HPSE2: variants seen among roughly 807,000 people sequenced by gnomAD.
HPSE2 encodes the protein heparanase 2 (inactive), also known as inactive heparanase-2.
Under a neutral mutation model 60.5 loss-of-function variants are expected in HPSE2, and 38 were observed. That is an observed-to-expected ratio of 0.63 (90% CI 0.48 to 0.82). The LOEUF is 0.82. Among genes scored for constraint, HPSE2 ranks in the 40% least tolerant of loss-of-function variants. The pLI is 0.00. For synonymous variants in HPSE2, 295 were observed against 293.2 expected, an observed-to-expected ratio of 1.01 and a Z score of -0.06; for missense variants, 713 against 740.4, an observed-to-expected ratio of 0.96 and a Z score of 0.43.
intron 3 of HPSE2, among the ~76,000 whole-genome samples, chr10:98,967,960 CACTT>C (rs1262870038): frequency 3.3e-5 from 5 of 152,140 alleles, no homozygotes; most frequent in African/African-American, 9.7e-5. Flanking sequence ...ACATATGACT[CACTT>C]ACTCCTGGCT....
At chr10:99,119,114 A>AGGGAGGGAGGGC (rs1844843286) in intron 3 of HPSE2, among the ~76,000 whole-genome samples, 1 of 90,840 alleles carries the variant, frequency 1.1e-5, no homozygotes, top group Non-Finnish European at 2.3e-5. Context: ...GGAGGGAGGG[A>AGGGAGGGAGGGC]GGGAGGGAAG....
At chr10:98,530,987 C>A (rs1459586735) in intron 9 of HPSE2, among the ~76,000 whole-genome samples, 2 of 152,128 alleles carry the variant, frequency 1.3e-5, no homozygotes, top group Non-Finnish European at 2.9e-5. Flanking sequence ...GCCTGCCTGG[C>A]CATTTTCTTC....
At chr10:98,955,234 C>A (rs746798102) in intron 3 of HPSE2, among the ~76,000 whole-genome samples, 5 of 152,032 alleles carry the variant, frequency 3.3e-5, no homozygotes, top group African/African-American at 4.8e-5. Flanking sequence ...TATCTAGAAT[C>A]TACAAGAAAC....
intron 4 of HPSE2, among the ~76,000 whole-genome samples, chr10:98,731,839 A>G (rs182802902): frequency 6.6e-6 from 1 of 152,302 alleles, no homozygotes; most frequent in Admixed American, 6.5e-5. Flanking sequence ...CAAAACTGTT[A>G]TTATTCTCAG....
intron 3 of HPSE2, among the ~76,000 whole-genome samples, chr10:98,923,340 G>A (rs977594102): frequency 2.0e-5 from 3 of 152,068 alleles, no homozygotes; most frequent in African/African-American, 7.2e-5. Context: ...CTTGGCCACT[G>A]GGAGTTTGAT....
intron 3 of HPSE2, among the ~76,000 whole-genome samples, chr10:98,937,677 G>C (rs1450820724): frequency 7.0e-6 from 1 of 142,428 alleles, no homozygotes; most frequent in Non-Finnish European, 1.5e-5. Flanking sequence ...CAAACAAAAA[G>C]ACAGCAGTAA....
chr10:99,075,764 T>C (rs1842933710), intron 3 of HPSE2, among the ~76,000 whole-genome samples: 1 of 152,196 alleles, frequency 6.6e-6, no homozygotes, highest in South Asian at 2.1e-4. Context: ...TTTACTCTTT[T>C]ATTATTATAT....
intron 3 of HPSE2, among the ~76,000 whole-genome samples, chr10:99,125,540 A>C (rs920866954): frequency 1.3e-5 from 2 of 152,228 alleles, no homozygotes; most frequent in Non-Finnish European, 2.9e-5. Flanking sequence ...TGCTCCAAGA[A>C]CCACCATGGG....
chr10:98,708,803 T>C (rs1244916404), intron 5 of HPSE2, among the ~76,000 whole-genome samples: 2 of 152,208 alleles, frequency 1.3e-5, no homozygotes, highest in Non-Finnish European at 2.9e-5. Context: ...TCATCTAAAA[T>C]AGGACAACTA....
rs184536125 is a variant in HPSE2, at chr10:99,011,275, T to C, written c.610+132963A>G. Among the ~76,000 whole-genome samples, 23 of 152,288 alleles carry C rather than the reference T, an allele frequency of 1.5e-4. No individual in the cohort carries two copies. The East Asian group carries it at 4.1e-3, about 27-fold the overall frequency. On this transcript the variant is annotated intron_variant, in intron 3 of 11. Coordinates refer to ENST00000370552, the MANE Select transcript of HPSE2 (RefSeq NM_021828.5). ...ATGTTAAATACTGATCTCCTATGCC[T>C]GATCTAGATTTAGATATTGAGTATT...
At chr10:99,117,571 G>C (rs779386949) in intron 3 of HPSE2, among the ~76,000 whole-genome samples, 3 of 151,410 alleles carry the variant, frequency 2.0e-5, no homozygotes, top group Non-Finnish European at 2.9e-5. Flanking sequence ...ATAATCATAA[G>C]CAATTATTAT....
intron 9 of HPSE2, among the ~76,000 whole-genome samples, chr10:98,523,109 TTTTG>T (rs148284297): frequency 0.31 from 47,549 of 151,596 alleles, 7,559 homozygotes; most frequent in East Asian, 0.41. Context: ...TTTTGTTTTG[TTTTG>T]TTTGTTTGTT....
intron 9 of HPSE2, among the ~76,000 whole-genome samples, chr10:98,513,784 T>A (rs1023150949): frequency 6.6e-6 from 1 of 152,332 alleles, no homozygotes; most frequent in Non-Finnish European, 1.5e-5. Context: ...GTGAAACATT[T>A]CCTAGTGTTT....
intron 9 of HPSE2, among the ~76,000 whole-genome samples, chr10:98,506,532 G>A (rs546030111): frequency 6.6e-6 from 1 of 151,980 alleles, no homozygotes; most frequent in East Asian, 1.9e-4. Flanking sequence ...TCGCAGCCTC[G>A]ACCTCCTGGG....
rs1441130753 is a variant in HPSE2 at position 99,107,448 on chromosome 10, TGGAAAATG to T, written c.610+36782_610+36789del. Among the ~76,000 whole-genome samples the T allele has an allele frequency of 3.3e-5, 5 of 152,326 alleles. No individual in the cohort carries two copies. The East Asian group carries it at 9.6e-4, about 29-fold the overall frequency. ...TTATCTCCCTATTTCCCATCTAATT[TGGAAAATG>T]GGTTAGTACTTTCCATCAAACCATG... On this transcript the variant is annotated intron_variant, in intron 3 of 11. Coordinates refer to ENST00000370552, the MANE Select transcript of HPSE2 (RefSeq NM_021828.5).
At chr10:98,770,770 T>C (rs1950224001) in intron 3 of HPSE2, among the ~76,000 whole-genome samples, 1 of 152,116 alleles carries the variant, frequency 6.6e-6, no homozygotes, top group African/African-American at 2.4e-5. Context: ...GTCTGCTTCT[T>C]GGTAGACTCA....
At chr10:98,831,969 G>C (rs1951693986) in intron 3 of HPSE2, among the ~76,000 whole-genome samples, 1 of 152,162 alleles carries the variant, frequency 6.6e-6, no homozygotes, top group Non-Finnish European at 1.5e-5. Context: ...CCGCTGATAG[G>C]TTTGATCCCT....
chr10:98,887,179 C>T (rs1238823275), intron 3 of HPSE2, among the ~76,000 whole-genome samples: 1 of 152,042 alleles, frequency 6.6e-6, no homozygotes, highest in East Asian at 1.9e-4. Flanking sequence ...TTCATTTTTT[C>T]AGGTCAAGGC....
At chr10:99,252,646 G>C in the HPSE2 span, among the ~76,000 whole-genome samples, 1 of 152,154 alleles carries the variant, frequency 6.6e-6, no homozygotes, top group Admixed American at 6.5e-5. Flanking sequence ...GGAGGCTGAG[G>C]TGGGTAGATC....
Sources: gnomAD v4.1 joint callset for allele counts (sites outside exome capture counted in the v4.1 genomes callset) on GRCh38, gnomAD v4.1.1 for gene constraint, MANE v1.5 for transcripts, NCBI Gene and HGNC (gene_info 2026-07-23, HGNC 2026-07-21) for gene names.